Variants in EPHB1 observed in about 807,000 individuals in gnomAD.
EPHB1 encodes the protein ephrin type-B receptor 1.
A neutral mutation model predicts 94.4 loss-of-function variants in EPHB1; 30 were observed. The observed-to-expected ratio is 0.32, with a 90% CI of 0.24 to 0.43. The LOEUF (loss-of-function observed/expected upper bound fraction) is 0.43, where lower values mean the gene tolerates loss of function less well. Ranked by LOEUF, EPHB1 falls within the 20% of genes least tolerant of loss-of-function variation. The pLI is 1.00. For synonymous variants in EPHB1, 522 were observed against 489.1 expected, an observed-to-expected ratio of 1.07 and a Z score of -0.89; for missense variants, 1,055 against 1,308.3, an observed-to-expected ratio of 0.81 and a Z score of 2.99.
chr3:134,849,183 AATCACGTAG>A (rs1484052404), intron 1 of EPHB1, among the ~76,000 whole-genome samples: 10 of 152,228 alleles, frequency 6.6e-5, no homozygotes, highest in Non-Finnish European at 1.0e-4. Context: ...TCAGCATCAG[AATCACGTAG>A]AGGGCTTGTT....
At chr3:134,815,047 A>T (rs2108287519) in intron 1 of EPHB1, among the ~76,000 whole-genome samples, 1 of 152,334 alleles carries the variant, frequency 6.6e-6, no homozygotes, top group Admixed American at 6.5e-5. Flanking sequence ...AGCAATTTTT[A>T]AAAAGAGCTA....
chr3:134,963,849 A>G (rs907475600), intron 3 of EPHB1, among the ~76,000 whole-genome samples: 1 of 152,216 alleles, frequency 6.6e-6, no homozygotes, highest in Non-Finnish European at 1.5e-5. Flanking sequence ...TCAGAATTTG[A>G]TCTACATTTG....
chr3:134,833,138 A>G (rs1191749814), intron 1 of EPHB1, among the ~76,000 whole-genome samples: 2 of 152,224 alleles, frequency 1.3e-5, no homozygotes, highest in Admixed American at 6.5e-5. Flanking sequence ...CCTAGAGACC[A>G]TGAGTCAACA....
intron 4 of EPHB1, among the ~76,000 whole-genome samples, chr3:135,110,799 T>C (rs1156530988): frequency 6.6e-6 from 1 of 152,184 alleles, no homozygotes; most frequent in East Asian, 1.9e-4. Context: ...CTCCTTTAAG[T>C]TCATGTTTCA....
At chr3:134,892,264 G>A (rs536656303) in intron 1 of EPHB1, among the ~76,000 whole-genome samples, 2 of 152,308 alleles carry the variant, frequency 1.3e-5, no homozygotes, top group African/African-American at 4.8e-5. Context: ...ACCAGCCACA[G>A]CTACCCACTA....
At position 134,951,703 on chromosome 3, in the gene EPHB1, G is replaced by A; in HGVS notation, c.456G>A (p.Gly152=). ...AGAGCTTCTCCCAGGTGGACTTTGG[G>A]GGAAGGCTGATGAAGGTAAACACAG... ...ADESFSQVDF[G]GRLMKVNTEV... is the part of the protein sequence containing the mutation. Residue 152 remains glycine, a synonymous_variant, in exon 3 of 16, where the codon GGG becomes GGA. Coordinates refer to ENST00000398015, the MANE Select transcript of EPHB1 (RefSeq NM_004441.5). This position sits in a 1 kb window ranked among gnomAD's most constrained non-coding sequence, Gnocchi z 4.5. The A allele has an allele frequency of 6.2e-7, 1 of 1,614,124 alleles. No homozygotes were observed.
intron 3 of EPHB1, among the ~76,000 whole-genome samples, chr3:135,049,823 C>T (rs552600815): frequency 2.6e-4 from 40 of 152,264 alleles, no homozygotes; most frequent in African/African-American, 7.9e-4. Context: ...GCCTCCTGTC[C>T]ATGAGGAACG....
chr3:134,856,127 T>A (rs10935138), intron 1 of EPHB1, among the ~76,000 whole-genome samples: 1 of 152,118 alleles, frequency 6.6e-6, no homozygotes, highest in African/African-American at 2.4e-5. Context: ...AGCAAGTTTG[T>A]AACTGAGTGC....
chr3:135,194,088 A>C (rs940969586), intron 11 of EPHB1, among the ~76,000 whole-genome samples: 1 of 152,176 alleles, frequency 6.6e-6, no homozygotes, highest in Admixed American at 6.5e-5. Flanking sequence ...AGGAATCTGT[A>C]TTACTTTTGT....
intron 11 of EPHB1, 68 bp from the exon 12 acceptor site, chr3:135,201,406 A>T (rs1942751157): frequency 3.9e-6 from 6 of 1,533,624 alleles, no homozygotes; most frequent in Middle Eastern, 3.8e-4. Context: ...GCAGGGCCAC[A>T]ACATCTCTCC....
At chr3:134,901,098 G>A (rs1578182206) in intron 1 of EPHB1, among the ~76,000 whole-genome samples, 1 of 151,846 alleles carries the variant, frequency 6.6e-6, no homozygotes, top group African/African-American at 2.4e-5. Flanking sequence ...ATTTTATTGA[G>A]CATAGTTTAA....
At chr3:135,144,842 G>A (rs1178956959) in intron 5 of EPHB1, among the ~76,000 whole-genome samples, 1 of 152,162 alleles carries the variant, frequency 6.6e-6, no homozygotes, top group African/African-American at 2.4e-5. Flanking sequence ...ACACACCCAA[G>A]GAAGTCCTCT....
intron 1 of EPHB1, among the ~76,000 whole-genome samples, chr3:134,868,395 C>G (rs1026087471): frequency 6.6e-6 from 1 of 152,056 alleles, no homozygotes; most frequent in Non-Finnish European, 1.5e-5. Flanking sequence ...TGAACTACCC[C>G]CTAAGTGTTG....
At chr3:135,132,046 G>A (rs1940438607) in intron 4 of EPHB1, among the ~76,000 whole-genome samples, 1 of 152,192 alleles carries the variant, frequency 6.6e-6, no homozygotes, top group Non-Finnish European at 1.5e-5. Context: ...AAAGCAGCTA[G>A]CAGAATGTCT....
chr3:134,900,647 A>G (rs763956742), intron 1 of EPHB1, among the ~76,000 whole-genome samples: 1 of 152,148 alleles, frequency 6.6e-6, no homozygotes, highest in Non-Finnish European at 1.5e-5. Context: ...ATGTGAGGAC[A>G]TAAGAGCAAG....
intron 3 of EPHB1, among the ~76,000 whole-genome samples, chr3:135,032,460 T>G (rs1936510270): frequency 6.6e-6 from 1 of 152,206 alleles, no homozygotes; most frequent in South Asian, 2.1e-4. Context: ...GTTTTAGACA[T>G]TTTCTTCAAT....
intron 1 of EPHB1, among the ~76,000 whole-genome samples, chr3:134,884,508 T>G (rs73217016): frequency 0.11 from 17,496 of 152,248 alleles, 1,454 homozygotes; most frequent in African/African-American, 0.24. Context: ...GAAGGTGGTC[T>G]ATTTTTGCTA....
In EPHB1 at chr3:135,089,692, G is replaced by A. The variant is rs542425533; in HGVS notation, c.806-16756G>A. Among the ~76,000 whole-genome samples the A allele has an allele frequency of 1.6e-3, 238 of 152,314 alleles. 2 individuals are homozygous for A. Among genetic ancestry groups the A allele is most frequent in the African/African-American group, 5.3e-3 (222 of 41,570 alleles). Reference sequence around the variant, plus strand: ...CCTGGGCATGAGAGGGAGCAATGTCGTGTTCACCTGTCCAGCTAGGCTCCT... The same window carrying A: ...CCTGGGCATGAGAGGGAGCAATGTCATGTTCACCTGTCCAGCTAGGCTCCT... On this transcript the variant is annotated intron_variant, in intron 3 of 15. Coordinates refer to ENST00000398015, the MANE Select transcript of EPHB1 (RefSeq NM_004441.5).
At chr3:134,809,560 G>A (rs1320533143) in intron 1 of EPHB1, among the ~76,000 whole-genome samples, 1 of 152,116 alleles carries the variant, frequency 6.6e-6, no homozygotes, top group African/African-American at 2.4e-5. Context: ...GCATTTCAAT[G>A]GTTCCTTAGC....
Sources: allele counts gnomAD v4.1 joint callset (sites outside exome capture counted in the v4.1 genomes callset), GRCh38; gene constraint gnomAD v4.1.1; non-coding constraint Gnocchi (gnomAD v3.1); transcripts MANE v1.5; gene names NCBI Gene and HGNC (gene_info 2026-07-23, HGNC 2026-07-21).